ADAMTS16: variants seen among roughly 807,000 people sequenced by gnomAD.
ADAMTS16 encodes the protein ADAM metallopeptidase with thrombospondin type 1 motif 16.
In ADAMTS16, 94 loss-of-function variants were observed where a neutral mutation model predicts 145.8. The observed-to-expected ratio is 0.64, with a 90% CI of 0.55 to 0.77. The LOEUF (loss-of-function observed/expected upper bound fraction) is 0.77, where lower values mean the gene tolerates loss of function less well. Among genes scored for constraint, ADAMTS16 ranks in the 30% least tolerant of loss-of-function variants. The pLI is 0.00. For synonymous variants in ADAMTS16, 659 were observed against 604.3 expected (o/e 1.09, Z -1.33); for missense variants, 1,585 against 1,591.5 (o/e 1.00, Z 0.07).
chr5:5,190,161 TG>T, intron 7 of ADAMTS16, 31 bp downstream of exon 7: 1 of 1,536,700 alleles, frequency 6.5e-7, no homozygotes, highest in Non-Finnish European at 8.7e-7. Flanking sequence ...GTGAGGACCG[TG>T]TGTGGAATGT....
chr5:5,270,019 T>C (rs1023544161), intron 18 of ADAMTS16, among the ~76,000 whole-genome samples: 2 of 152,098 alleles, frequency 1.3e-5, no homozygotes, highest in Non-Finnish European at 2.9e-5. Flanking sequence ...ATGGCACCCT[T>C]TGACATGTGG....
chr5:5,245,703 G>C lies in ADAMTS16; in HGVS notation c.2662+3512G>C, dbSNP rs550542968. Among the ~76,000 whole-genome samples the C allele has an allele frequency of 9.2e-5, 14 of 152,310 alleles. No homozygotes were observed. In the South Asian group the frequency reaches 2.7e-3, roughly 29 times the overall value. ...AGAAACATTACTTTGCATCAAAAGAGGACGGATAAATCTTTTTGATTTAAA... is the reference window on the plus strand; with the variant it reads ...AGAAACATTACTTTGCATCAAAAGACGACGGATAAATCTTTTTGATTTAAA... On this transcript the variant is annotated intron_variant, in intron 17 of 22. Coordinates refer to ENST00000274181, the MANE Select transcript of ADAMTS16 (RefSeq NM_139056.4).
At chr5:5,236,611 G>C (rs946219508) in intron 13 of ADAMTS16, among the ~76,000 whole-genome samples, 2 of 22,868 alleles carry the variant, frequency 8.7e-5, no homozygotes, top group Non-Finnish European at 1.8e-4. Context: ...CTACAAAATG[G>C]CAGTTTTTTT....
chr5:5,222,026 G>T (rs745438869), intron 10 of ADAMTS16, among the ~76,000 whole-genome samples: 8 of 152,172 alleles, frequency 5.3e-5, no homozygotes, highest in Non-Finnish European at 7.3e-5. Flanking sequence ...CATTCCAGAA[G>T]GTTCCATCAT....
At chr5:5,201,932 C>T (rs1183695473) in intron 9 of ADAMTS16, among the ~76,000 whole-genome samples, 2 of 151,872 alleles carry the variant, frequency 1.3e-5, no homozygotes, top group African/African-American at 4.8e-5. Context: ...TTCTTTCTTC[C>T]TTTTTTATTC....
At chr5:5,316,696 C>A (rs1442163806) in intron 21 of ADAMTS16, among the ~76,000 whole-genome samples, 3 of 152,174 alleles carry the variant, frequency 2.0e-5, no homozygotes, top group Admixed American at 6.5e-5. Flanking sequence ...AGGATGCCAA[C>A]ACCTTAGCAA....
At chr5:5,234,914 A>G in intron 12 of ADAMTS16, 100 bp from the exon 13 acceptor site, 1 of 894,962 alleles carries the variant, frequency 1.1e-6, no homozygotes, top group South Asian at 4.1e-5. Flanking sequence ...CTAATTACCC[A>G]TTCTAACACT....
At chr5:5,185,593 A>G (rs1303725249) in intron 4 of ADAMTS16, among the ~76,000 whole-genome samples, 2 of 152,256 alleles carry the variant, frequency 1.3e-5, no homozygotes, top group African/African-American at 2.4e-5. Flanking sequence ...GTGTCCAGAC[A>G]TTGAAATCAA....
Position 5,303,827 on chromosome 5 carries a change from C to T in ADAMTS16, c.3186+61C>T, listed in dbSNP as rs756525790. The T allele has an allele frequency of 1.2e-5, 19 of 1,558,286 alleles. No individual in the cohort carries two copies. The African/African-American group carries it at 1.4e-4, about 11-fold the overall frequency. ...AGCTCTCCCCTCGGGACTGCCTCTT[C>T]TCTCCTGGTTTTTCTCTTCTCACTT... On this transcript the variant is annotated intron_variant, in intron 20 of 22. Coordinates refer to ENST00000274181, the MANE Select transcript of ADAMTS16 (RefSeq NM_139056.4).
chr5:5,240,977 G>A (rs1039085598), intron 16 of ADAMTS16, among the ~76,000 whole-genome samples: 2 of 152,160 alleles, frequency 1.3e-5, no homozygotes, highest in Admixed American at 6.6e-5. Context: ...TTAGGAAACT[G>A]TTCTCCACGG....
intron 8 of ADAMTS16, among the ~76,000 whole-genome samples, chr5:5,191,994 A>G (rs1475336807): frequency 6.8e-6 from 1 of 146,756 alleles, no homozygotes; most frequent in African/African-American, 2.6e-5. Flanking sequence ...TTATTTATTT[A>G]CTTTATTTTG....
rs745837190 is a variant in ADAMTS16 at position 5,294,225 on chromosome 5, G to A, written c.2790-9043G>A. ...CAAAGAACCAGAACCAATTATATGCGGATGTGCCTGTGTGAGGTAAAGGCT... is the reference window on the plus strand; with the variant it reads ...CAAAGAACCAGAACCAATTATATGCAGATGTGCCTGTGTGAGGTAAAGGCT... On this transcript the variant is annotated intron_variant, in intron 18 of 22. Coordinates refer to ENST00000274181, the MANE Select transcript of ADAMTS16 (RefSeq NM_139056.4). Among the ~76,000 whole-genome samples the A allele has an allele frequency of 5.9e-5, 9 of 152,304 alleles. No individual in the cohort carries two copies. In the South Asian group the frequency reaches 6.2e-4, roughly 11 times the overall value.
chr5:5,148,283 A>G (rs1413246452), intron 3 of ADAMTS16, among the ~76,000 whole-genome samples: 1 of 152,200 alleles, frequency 6.6e-6, no homozygotes, highest in Non-Finnish European at 1.5e-5. Flanking sequence ...TGTTTTCGTC[A>G]TAAGACAGGA....
intron 11 of ADAMTS16, among the ~76,000 whole-genome samples, chr5:5,225,597 GT>G (rs1438551188): frequency 1.4e-5 from 2 of 139,540 alleles, no homozygotes; most frequent in African/African-American, 5.3e-5. Context: ...AGGAGACTTG[GT>G]TTCAAAAAAA....
chr5:5,176,869 G>A (rs1256652921), intron 3 of ADAMTS16, among the ~76,000 whole-genome samples: 2 of 152,176 alleles, frequency 1.3e-5, no homozygotes, highest in African/African-American at 4.8e-5. Context: ...GACAGTATTT[G>A]TGGGGCACAT....
At chr5:5,179,801 C>T (rs987861525) in intron 3 of ADAMTS16, among the ~76,000 whole-genome samples, 1 of 152,126 alleles carries the variant, frequency 6.6e-6, no homozygotes, top group African/African-American at 2.4e-5. Flanking sequence ...AGGTCTACCC[C>T]CCATGGTGGT....
At chr5:5,161,983 C>A (rs1300413413) in intron 3 of ADAMTS16, among the ~76,000 whole-genome samples, 2 of 151,762 alleles carry the variant, frequency 1.3e-5, no homozygotes, top group South Asian at 4.2e-4. Flanking sequence ...GGGAGAAAAA[C>A]GTTTTCTCAT....
At chr5:5,170,269 G>A (rs981643918) in intron 3 of ADAMTS16, among the ~76,000 whole-genome samples, 3 of 152,122 alleles carry the variant, frequency 2.0e-5, no homozygotes, top group African/African-American at 7.2e-5. Flanking sequence ...TCACGCTGTA[G>A]TTTTGATTTG....
intron 2 of ADAMTS16, among the ~76,000 whole-genome samples, chr5:5,141,919 A>G (rs1445151501): frequency 6.6e-6 from 1 of 152,230 alleles, no homozygotes; most frequent in Admixed American, 6.5e-5. Context: ...TGAATTTACA[A>G]GAGAAAGTTA....
Sources: allele counts gnomAD v4.1 joint callset (sites outside exome capture counted in the v4.1 genomes callset), GRCh38; gene constraint gnomAD v4.1.1; transcripts MANE v1.5; gene names NCBI Gene and HGNC (gene_info 2026-07-23, HGNC 2026-07-21).